Variants in UCK2 observed in about 807,000 individuals in gnomAD.
UCK2 encodes the protein cytidine monophosphokinase 2.
Under a neutral mutation model 30.8 loss-of-function variants are expected in UCK2, and 6 were observed. The observed-to-expected ratio is 0.19, with a 90% CI of 0.11 to 0.38. The LOEUF (loss-of-function observed/expected upper bound fraction) is 0.38. UCK2 is among the 10% of genes least tolerant of loss of function. The pLI, the probability that UCK2 is intolerant of heterozygous loss-of-function variation, is 1.00. For missense variants in UCK2, 210 were observed against 339.8 expected, an observed-to-expected ratio of 0.62 and a Z score of 3.00; for synonymous variants, 125 against 133.6, an observed-to-expected ratio of 0.94 and a Z score of 0.45.
chr1:165,833,293 C>T (rs1318570260), intron 1 of UCK2, among the ~76,000 whole-genome samples: 1 of 152,126 alleles, frequency 6.6e-6, no homozygotes, highest in East Asian at 1.9e-4. Context: ...CCCTTCGGAC[C>T]TTCTTCCCTT....
chr1:165,889,656 C>T (rs1297576039), intron 1 of UCK2, among the ~76,000 whole-genome samples: 1 of 149,290 alleles, frequency 6.7e-6, no homozygotes, highest in East Asian at 2.0e-4. Context: ...TTCTCTGTCA[C>T]AGGCGTGTAA....
chr1:165,835,439 G>A (rs983844412), intron 1 of UCK2, among the ~76,000 whole-genome samples: 7 of 151,772 alleles, frequency 4.6e-5, no homozygotes, highest in Non-Finnish European at 8.8e-5. Context: ...GGCCTCAAGC[G>A]GTCGTCCTGT....
At chr1:165,843,203 G>A (rs1329493419) in intron 1 of UCK2, among the ~76,000 whole-genome samples, 1 of 151,970 alleles carries the variant, frequency 6.6e-6, no homozygotes, top group Non-Finnish European at 1.5e-5. Flanking sequence ...AAACATACTT[G>A]AGTGAATGTA....
At chr1:165,885,143 G>C in intron 1 of UCK2, 1 of 368,294 alleles carries the variant, frequency 2.7e-6, no homozygotes, top group Non-Finnish European at 4.8e-6. Flanking sequence ...GTTTTCCAGA[G>C]GTAAAGTACA....
At chr1:165,863,112 C>A (rs1654959706) in intron 1 of UCK2, among the ~76,000 whole-genome samples, 1 of 152,200 alleles carries the variant, frequency 6.6e-6, no homozygotes, top group Non-Finnish European at 1.5e-5. Context: ...AGGACACTGT[C>A]TTCTCCCGTG....
chr1:165,882,899 A>C (rs1177226021), intron 1 of UCK2, among the ~76,000 whole-genome samples: 2 of 151,996 alleles, frequency 1.3e-5, no homozygotes, highest in East Asian at 3.9e-4. Context: ...ATCTCAGCTC[A>C]CTGTAACCTC....
Position 165,907,701 on chromosome 1 carries a change from G to T in UCK2, c.664G>T (p.Val222Leu). Residue 222 changes from valine to leucine, a missense_variant, in exon 7 of 7, where the codon GTG becomes TTG. Coordinates refer to ENST00000367879, the MANE Select transcript of UCK2 (RefSeq NM_012474.5). ...ADNLVAINLI[V>L]QHIQDILNGG... is the part of the protein sequence containing the mutation. ...CCCCACAGTGGCCATCAACCTCATC[G>T]TGCAGCACATCCAGGACATCCTGAA... The T allele has an allele frequency of 6.2e-7, 1 of 1,614,078 alleles. No individual in the cohort carries two copies. The highest frequency in any genetic ancestry group is 2.2e-5 in the East Asian group (1 of 44,868).
At chr1:165,884,974 T>A (rs1655583598) in intron 1 of UCK2, among the ~76,000 whole-genome samples, 1 of 152,120 alleles carries the variant, frequency 6.6e-6, no homozygotes, top group Non-Finnish European at 1.5e-5. Flanking sequence ...CTAGAACAGG[T>A]TTTCTTGGTG....
intron 1 of UCK2, among the ~76,000 whole-genome samples, chr1:165,886,732 G>A (rs1457860194): frequency 1.3e-5 from 2 of 152,204 alleles, no homozygotes; most frequent in African/African-American, 2.4e-5. Flanking sequence ...AAGCGAAAGA[G>A]CATTTATTCA....
At chr1:165,884,596 G>A (rs1655575188) in intron 1 of UCK2, among the ~76,000 whole-genome samples, 1 of 152,190 alleles carries the variant, frequency 6.6e-6, no homozygotes, top group Admixed American at 6.5e-5. Context: ...AGGCGACAGA[G>A]CTGATTACCC....
chr1:165,888,198 C>T (rs1466435290), intron 1 of UCK2, among the ~76,000 whole-genome samples: 1 of 152,090 alleles, frequency 6.6e-6, no homozygotes, highest in Non-Finnish European at 1.5e-5. Flanking sequence ...TTGTTAAAAT[C>T]GTTGATGAAA....
chr1:165,891,436 G>A, intron 3 of UCK2, 114 bp downstream of exon 3: 1 of 892,518 alleles, frequency 1.1e-6, no homozygotes, highest in Non-Finnish European at 1.8e-6. Context: ...TCCTACCCCT[G>A]CCTAATGCCA....
intron 1 of UCK2, among the ~76,000 whole-genome samples, chr1:165,862,012 A>G (rs1557838769): frequency 6.6e-6 from 1 of 152,130 alleles, no homozygotes; most frequent in Non-Finnish European, 1.5e-5. Context: ...TTATTCTTTC[A>G]TGACTTCCAC....
At chr1:165,841,556 A>T (rs751538664) in intron 1 of UCK2, among the ~76,000 whole-genome samples, 2 of 152,210 alleles carry the variant, frequency 1.3e-5, no homozygotes, top group Non-Finnish European at 2.9e-5. Flanking sequence ...CTCCTGAAAG[A>T]AAAGGTCCAT....
chr1:165,881,420 G>A (rs915355983), intron 1 of UCK2, among the ~76,000 whole-genome samples: 29 of 152,094 alleles, frequency 1.9e-4, no homozygotes, highest in African/African-American at 6.8e-4. Flanking sequence ...TACTTGGCAT[G>A]AGGGTAGAAA....
At chr1:165,900,260 A>G (rs765363084) in intron 4 of UCK2, 3 of 152,198 alleles carry the variant, frequency 2.0e-5, no homozygotes, top group African/African-American at 4.8e-5. Flanking sequence ...TGTGGTCGTA[A>G]TCATCATAGA....
At chr1:165,865,105 A>AT (rs1268502856) in intron 1 of UCK2, among the ~76,000 whole-genome samples, 1 of 152,224 alleles carries the variant, frequency 6.6e-6, no homozygotes, top group Non-Finnish European at 1.5e-5. Context: ...AGCTGTACAC[A>AT]TCACATCATA....
chr1:165,888,642 C>CTTTTTTTTTTTTTTTTTTTTT (rs60874109), intron 1 of UCK2, among the ~76,000 whole-genome samples: 1 of 71,018 alleles, frequency 1.4e-5, no homozygotes, highest in Non-Finnish European at 2.5e-5. Flanking sequence ...CTTTCTTCTT[C>CTTTTTTTTTTTTTTTTTTTTT]TTTTTTTTTT....
At chr1:165,834,582 T>C (rs774462211) in intron 1 of UCK2, among the ~76,000 whole-genome samples, 1 of 152,156 alleles carries the variant, frequency 6.6e-6, no homozygotes. Context: ...CATAATTTGA[T>C]TGGATGAGGG....
Sources: gnomAD v4.1 joint callset for allele counts (sites outside exome capture counted in the v4.1 genomes callset) on GRCh38, gnomAD v4.1.1 for gene constraint, MANE v1.5 for transcripts, NCBI Gene and HGNC (gene_info 2026-07-23, HGNC 2026-07-21) for gene names.